The following TENT4A variants were observed in gnomAD, a reference collection of about 807,000 sequenced individuals.
TENT4A encodes terminal nucleotidyltransferase 4A, also known as DNA polymerase kappa.
In TENT4A, 7 loss-of-function variants were observed where a neutral mutation model predicts 72.8. That is an observed-to-expected ratio of 0.10 (90% CI 0.05 to 0.18). The LOEUF is 0.18. Among genes scored for constraint, TENT4A ranks in the 10% least tolerant of loss-of-function variants. TENT4A has a pLI of 1.00. For synonymous variants in TENT4A, 456 were observed against 434.3 expected (o/e 1.05, Z -0.62); for missense variants, 831 against 1,017.7 (o/e 0.82, Z 2.50).
rs1428107883 is a variant in TENT4A at position 6,714,291 on chromosome 5, A to G, written c.308A>G (p.His103Arg). The change falls in exon 1 of 13, where the codon CAC (histidine) becomes CGC (arginine). Residue 103 changes from histidine (H) to arginine (R), a missense_variant. By Grantham distance (29) the His-to-Arg change is conservative (BLOSUM62 0). Around this residue, in one of 3 missense-constraint regions of TENT4A, gnomAD observed 302 missense variants for 293.8 expected, o/e 1.03. Transcript: ENST00000230859. ...GCGGCCGAGGGCGCGCGGCGCTTGC[A>G]CAAGTCGCCGTCGCTGTCGTCCTCG... ...GPAAEGARRL[H>R]KSPSLSSSSS... is the part of the protein sequence containing the mutation. 2.8e-6 allele frequency: 3 copies of G among 1,087,288 alleles called. No individual in the cohort carries two copies. The highest frequency in any genetic ancestry group is 1.2e-4 in the East Asian group (2 of 17,118). The allele number at this position is 1,087,288 out of a possible 1,614,324, so 67.4% of individuals were successfully genotyped here.
intron 12 of TENT4A, 106 bp downstream of exon 12, chr5:6,753,143 A>G: frequency 8.4e-7 from 1 of 1,188,562 alleles, no homozygotes; most frequent in East Asian, 2.4e-5. Context: ...ATCATTTGAA[A>G]ACGGAATTTG....
chr5:6,745,964 G>T, intron 6 of TENT4A: 1 of 1,279,836 alleles, frequency 7.8e-7, no homozygotes, highest in Admixed American at 3.7e-5. Flanking sequence ...TTTGCAGGAA[G>T]TTTGCTGTAT....
At chr5:6,750,603 G>C in intron 10 of TENT4A, 100 bp downstream of exon 10, 1 of 1,210,142 alleles carries the variant, frequency 8.3e-7, no homozygotes, top group Non-Finnish European at 1.1e-6. Context: ...GTTTTGCTCA[G>C]GTTTTGTTTC....
Position 6,746,364 on chromosome 5 carries a change from A to T in TENT4A, c.1396A>T (p.Met466Leu). The change falls in exon 7 of 13, where the codon ATG becomes TTG. Residue 466 changes from methionine (M) to leucine (L), a missense_variant. Around this residue, in one of 3 missense-constraint regions of TENT4A, gnomAD observed 197 missense variants for 399.6 expected, o/e 0.49. Coordinates refer to ENST00000230859, the MANE Select transcript of TENT4A (RefSeq NM_006999.6). ...GGAYIAKEEI[M>L]KAMTSGYRPS... ...TGCCTATATCGCCAAAGAGGAGATC[A>T]TGAAAGCCATGACCAGCGGGTACAG... 6.2e-7 allele frequency: 1 copy of T among 1,614,194 alleles called. No individual in the cohort carries two copies. The highest frequency in any genetic ancestry group is 1.3e-5 in the African/African-American group (1 of 75,048).
rs1334876547 is a variant in TENT4A at position 6,756,428 on chromosome 5, T to A, written c.*1483T>A. On this transcript the variant is annotated 3_prime_UTR_variant, in exon 13 of 13. Transcript: ENST00000230859. ...AGTGGAGAATGTCAAGACAAGATAC[T>A]TATTACCATGACATCTGATGCATGT... 1.3e-5 allele frequency: 2 copies of A among 152,530 alleles called. No homozygotes were observed. Among genetic ancestry groups the A allele is most frequent in the Admixed American group, 6.5e-5 (1 of 15,272 alleles). The allele number at this position is 152,530 out of a possible 1,614,324, so 9.4% of individuals were successfully genotyped here.
rs1740265211 is a variant in TENT4A, at chr5:6,714,633, C to T, written c.650C>T (p.Pro217Leu). 1 of 1,198,868 alleles carries T rather than the reference C, an allele frequency of 8.3e-7. No homozygotes were observed. The highest frequency in any genetic ancestry group is 1.0e-6 in the Non-Finnish European group (1 of 966,688). The allele number at this position is 1,198,868 out of a possible 1,614,324, so 74.3% of individuals were successfully genotyped here. A position where few individuals can be genotyped will look rare whatever the true frequency, so the allele number is the denominator to read the frequency against. The change falls in exon 1 of 13, where the codon CCC becomes CTC. Residue 217 changes from proline to leucine, a missense_variant. Physicochemically the swap from Pro to Leu is moderately conservative, Grantham distance 98. Around this residue, in one of 3 missense-constraint regions of TENT4A, gnomAD observed 302 missense variants for 293.8 expected, o/e 1.03. Coordinates refer to ENST00000230859, the MANE Select transcript of TENT4A (RefSeq NM_006999.6). ...GCCGCTCTCAGCGGAGGGGGCGGCC[C>T]CGGGGCCCAGGCGCCGCGGCCCGGC... The part of the protein sequence containing the change: ...RAAALSGGGG[P>L]GAQAPRPGTP...
At position 6,750,387 on chromosome 5, in the gene TENT4A, A is replaced by C; in HGVS notation, c.1744A>C (p.Asn582His). Reference protein sequence around the residue: ...IATCNGEQTQNREPESPYGQR... With the variant: ...IATCNGEQTQHREPESPYGQR... ...CACATGCAATGGGGAGCAGACGCAG[A>C]ACCGAGAGCCCGAGTCTCCCTATGG... Residue 582 changes from asparagine to histidine, a missense_variant, in exon 10 of 13, where the codon AAC becomes CAC. By Grantham distance (68) the Asn-to-His change is moderately conservative. Transcript: ENST00000230859. 1.2e-6 allele frequency: 2 copies of C among 1,613,104 alleles called. No homozygotes were observed. Among genetic ancestry groups the C allele is most frequent in the Non-Finnish European group, 8.5e-7 (1 of 1,179,544 alleles).
intron 1 of TENT4A, among the ~76,000 whole-genome samples, chr5:6,734,814 G>A (rs1467290480): frequency 6.6e-6 from 1 of 152,204 alleles, no homozygotes; most frequent in African/African-American, 2.4e-5. Context: ...CCTGATTTAG[G>A]GGAGGAATAC....
At chr5:6,751,255 GT>G in intron 11 of TENT4A, 58 bp downstream of exon 11, 2 of 1,556,576 alleles carry the variant, frequency 1.3e-6, no homozygotes, top group South Asian at 2.2e-5. Context: ...CATCCGAGCT[GT>G]GATATGCACT....
intron 1 of TENT4A, among the ~76,000 whole-genome samples, chr5:6,724,539 G>A (rs1011969447): frequency 6.6e-6 from 1 of 152,114 alleles, no homozygotes; most frequent in Non-Finnish European, 1.5e-5. Flanking sequence ...GCTGAAGGAC[G>A]AGTGTGACAG....
chr5:6,753,080 C>T, intron 12 of TENT4A, 43 bp downstream of exon 12: 1 of 1,521,436 alleles, frequency 6.6e-7, no homozygotes, highest in Non-Finnish European at 9.0e-7. Flanking sequence ...GTTCAAGCTG[C>T]CATGTGAGAG....
rs868288639 is a variant in TENT4A at position 6,713,819 on chromosome 5, G to A, written c.-165G>A. 0.044 allele frequency: 6,787 copies of A among 153,576 alleles called. 210 individuals carry two copies. Among genetic ancestry groups the A allele is most frequent in the South Asian group, 0.095 (542 of 5,696 alleles). The allele number at this position is 153,576 out of a possible 1,614,324, so 9.5% of individuals were successfully genotyped here. A position where few individuals can be genotyped will look rare whatever the true frequency, so the allele number is the denominator to read the frequency against. ...GGAGCCCGACGGGAGCGCGGCTAGA[G>A]CAGGAGGCCGGGGCTCGGCCCGCCC... On this transcript the variant is annotated 5_prime_UTR_variant, in exon 1 of 13. Transcript: ENST00000230859.
rs753492731 is a variant in TENT4A, at chr5:6,754,882, C to T, written c.2316C>T (p.Thr772=). The T allele has an allele frequency of 1.1e-5, 17 of 1,606,384 alleles. No individual in the cohort carries two copies. Among genetic ancestry groups the T allele is most frequent in the East Asian group, 2.2e-5 (1 of 44,576 alleles). The change falls in exon 13 of 13, where the codon ACC becomes ACT. Residue 772 remains threonine (T), a synonymous_variant. Coordinates refer to ENST00000230859, the MANE Select transcript of TENT4A (RefSeq NM_006999.6). The part of the protein sequence containing the change: ...GNRGHHQYNR[T]GWRRKKHTHT... ...GGGGACACCACCAGTATAACCGCAC[C>T]GGCTGGAGGAGGAAAAAACACACAC...
intron 7 of TENT4A, among the ~76,000 whole-genome samples, chr5:6,747,065 T>C (rs1742144239): frequency 6.6e-6 from 1 of 152,258 alleles, no homozygotes; most frequent in Admixed American, 6.5e-5. Context: ...GATAAAACCA[T>C]GTGTTAACGC....
At chr5:6,742,223 C>G (rs1440526109) in intron 4 of TENT4A, among the ~76,000 whole-genome samples, 1 of 152,156 alleles carries the variant, frequency 6.6e-6, no homozygotes, top group Non-Finnish European at 1.5e-5. Context: ...CCTGTTGGCT[C>G]CCTCCCCTCA....
intron 1 of TENT4A, among the ~76,000 whole-genome samples, chr5:6,731,738 G>A (rs1336586510): frequency 6.6e-6 from 1 of 152,138 alleles, no homozygotes; most frequent in Non-Finnish European, 1.5e-5. Context: ...GAGGAGGAGG[G>A]CATGTTCATT....
rs748037273 is a variant in TENT4A, at chr5:6,755,064, C to T, written c.*119C>T. 4.5e-4 allele frequency: 352 copies of T among 786,022 alleles called. 1 individual carries two copies. The highest frequency in any genetic ancestry group is 2.8e-3 in the Admixed American group (90 of 32,336). The allele number at this position is 786,022 out of a possible 1,614,324, so 48.7% of individuals were successfully genotyped here. A position where few individuals can be genotyped will look rare whatever the true frequency, so the allele number is the denominator to read the frequency against. On this transcript the variant is annotated 3_prime_UTR_variant, in exon 13 of 13. Coordinates refer to ENST00000230859, the MANE Select transcript of TENT4A (RefSeq NM_006999.6). ...TCAGCCGGGCTCGCGGCACGCCCGC[C>T]GCTGATCACTCTGCATGTTTCTTCG...
chr5:6,747,580 T>A (rs1354582818), intron 7 of TENT4A, among the ~76,000 whole-genome samples: 1 of 152,174 alleles, frequency 6.6e-6, no homozygotes, highest in South Asian at 2.1e-4. Context: ...TCTTGAGTGG[T>A]TTTCTTGGTA....
intron 1 of TENT4A, among the ~76,000 whole-genome samples, chr5:6,722,222 A>C (rs1740688461): frequency 6.6e-6 from 1 of 152,224 alleles, no homozygotes; most frequent in Non-Finnish European, 1.5e-5. Flanking sequence ...CTCAGAGAGT[A>C]CATGAAAGAC....
Sources: allele counts gnomAD v4.1 joint callset (sites outside exome capture counted in the v4.1 genomes callset), GRCh38; gene constraint gnomAD v4.1.1; regional missense constraint gnomAD v4.1.1; transcripts MANE v1.5; gene names NCBI Gene and HGNC (gene_info 2026-07-23, HGNC 2026-07-21).